NELL1: variants seen among roughly 807,000 people sequenced by gnomAD.
NELL1 encodes the protein neural EGFL like 1.
NELL1 carries 76 observed loss-of-function variants against 107.4 expected under a neutral mutation model. That is an observed-to-expected ratio of 0.71 (90% CI 0.59 to 0.86). The LOEUF (loss-of-function observed/expected upper bound fraction) is 0.86. Among genes scored for constraint, NELL1 ranks in the 40% least tolerant of loss-of-function variants. NELL1 has a pLI of 0.00. For missense variants in NELL1, 1,024 were observed against 1,005.5 expected (o/e 1.02, Z -0.25); for synonymous variants, 353 against 341.2 (o/e 1.03, Z -0.38).
chr11:20,859,105 C>T, intron 4 of NELL1, among the ~76,000 whole-genome samples: 1 of 152,208 alleles, frequency 6.6e-6, no homozygotes, highest in African/African-American at 2.4e-5. Context: ...AGGCCCACAC[C>T]TACACTGAAG....
chr11:21,143,890 G>A (rs1351361787), intron 13 of NELL1, among the ~76,000 whole-genome samples: 1 of 152,132 alleles, frequency 6.6e-6, no homozygotes, highest in Non-Finnish European at 1.5e-5. Context: ...TATTAACCAG[G>A]TAAAAGAAGT....
At chr11:21,389,558 A>G (rs1418053947) in intron 15 of NELL1, among the ~76,000 whole-genome samples, 1 of 151,732 alleles carries the variant, frequency 6.6e-6, no homozygotes, top group Non-Finnish European at 1.5e-5. Flanking sequence ...AAGTTAACAA[A>G]CTTTTGAAAA....
chr11:21,102,324 C>T (rs1854840511), intron 12 of NELL1, among the ~76,000 whole-genome samples: 1 of 152,174 alleles, frequency 6.6e-6, no homozygotes, highest in African/African-American at 2.4e-5. Flanking sequence ...TCTAATATCA[C>T]CACCATTACT....
intron 12 of NELL1, among the ~76,000 whole-genome samples, chr11:21,067,226 C>CT (rs958291301): frequency 6.6e-6 from 1 of 152,052 alleles, no homozygotes; most frequent in African/African-American, 2.4e-5. Flanking sequence ...GAAGTTGTAA[C>CT]TTTTAAACAT....
At chr11:21,414,822 C>A (rs1189845758) in intron 15 of NELL1, among the ~76,000 whole-genome samples, 1 of 152,026 alleles carries the variant, frequency 6.6e-6, no homozygotes, top group East Asian at 1.9e-4. Flanking sequence ...ATAGTTTCAA[C>A]CTGTTTCAAT....
intron 15 of NELL1, among the ~76,000 whole-genome samples, chr11:21,505,864 A>ATATC (rs1855265797): frequency 6.6e-6 from 1 of 152,094 alleles, no homozygotes; most frequent in South Asian, 2.1e-4. Flanking sequence ...TTTTCTTCAT[A>ATATC]TATCTTCTGT....
chr11:21,277,874 G>A (rs1590797756), intron 14 of NELL1, among the ~76,000 whole-genome samples: 2 of 152,204 alleles, frequency 1.3e-5, no homozygotes, highest in Non-Finnish European at 2.9e-5. Flanking sequence ...ACAGGAATAG[G>A]AACATCACAC....
At position 21,517,619 on chromosome 11, in the gene NELL1, C is replaced by T. The variant is rs1048210279; in HGVS notation, c.1646-16755C>T. On this transcript the variant is annotated intron_variant, in intron 15 of 19. Coordinates refer to ENST00000357134, the MANE Select transcript of NELL1 (RefSeq NM_006157.5). ...CCTCTATGATTCAATGATTTCTAAGCATGTGGGATTTAGACGTTCTTAGTC... is the reference window on the plus strand; with the variant it reads ...CCTCTATGATTCAATGATTTCTAAGTATGTGGGATTTAGACGTTCTTAGTC... 2.0e-5 allele frequency among the ~76,000 whole-genome samples: 3 copies of T among 152,136 alleles called. No individual in the cohort carries two copies. In the East Asian group the frequency reaches 5.8e-4, roughly 29 times the overall value.
intron 13 of NELL1, among the ~76,000 whole-genome samples, chr11:21,202,327 A>T (rs2133849621): frequency 6.6e-6 from 1 of 152,296 alleles, no homozygotes; most frequent in African/African-American, 2.4e-5. Flanking sequence ...TTATTCAGGG[A>T]TTAAACTTCT....
At chr11:21,408,340 G>C (rs1945435) in intron 15 of NELL1, among the ~76,000 whole-genome samples, 7,550 of 151,966 alleles carry the variant, frequency 0.05, 533 homozygotes, top group African/African-American at 0.16. Context: ...GCTGTAGAGA[G>C]AGTTCCAGAG....
chr11:21,507,761 A>G (rs1030101703), intron 15 of NELL1, among the ~76,000 whole-genome samples: 7 of 151,606 alleles, frequency 4.6e-5, no homozygotes, highest in African/African-American at 1.7e-4. Context: ...AGAGTTATTA[A>G]AAGCAAAAGT....
chr11:21,094,983 A>G (rs139670040), intron 12 of NELL1, among the ~76,000 whole-genome samples: 2,237 of 152,264 alleles, frequency 0.015, 53 homozygotes, highest in African/African-American at 0.05. Flanking sequence ...TTTCTTTTCT[A>G]TCACATTTTC....
At chr11:21,138,446 A>G (rs2133768208) in intron 13 of NELL1, among the ~76,000 whole-genome samples, 1 of 152,348 alleles carries the variant, frequency 6.6e-6, no homozygotes, top group African/African-American at 2.4e-5. Flanking sequence ...ACTCAGAGAC[A>G]CGTCAACAAG....
chr11:21,136,257 G>GGTTTTT (rs200568961), intron 13 of NELL1, among the ~76,000 whole-genome samples: 2,200 of 152,248 alleles, frequency 0.014, 63 homozygotes, highest in African/African-American at 0.05. Flanking sequence ...GTATGTGTGA[G>GGTTTTT]GAAAAGACAG....
At chr11:21,442,942 C>CTTTTTTTTTTTTTT (rs66501874) in intron 15 of NELL1, among the ~76,000 whole-genome samples, 4 of 57,560 alleles carry the variant, frequency 6.9e-5, no homozygotes, top group South Asian at 9.1e-4. Flanking sequence ...GCTATCTTTC[C>CTTTTTTTTTTTTTT]TTTTTTTTTT....
At chr11:21,221,475 G>GT (rs993758305) in intron 13 of NELL1, among the ~76,000 whole-genome samples, 8 of 152,144 alleles carry the variant, frequency 5.3e-5, no homozygotes, top group Admixed American at 5.2e-4. Context: ...TTTTCTAAAA[G>GT]TTTGATAGAA....
At chr11:21,319,494 T>TTATATATATATA (rs143740709) in intron 14 of NELL1, among the ~76,000 whole-genome samples, 2,349 of 135,488 alleles carry the variant, frequency 0.017, 28 homozygotes, top group Non-Finnish European at 0.025. Flanking sequence ...CCAGCTAAAT[T>TTATATATATATA]TATATATATA....
chr11:20,821,879 G>T (rs1857762111), intron 3 of NELL1, among the ~76,000 whole-genome samples: 2 of 152,210 alleles, frequency 1.3e-5, no homozygotes, highest in Non-Finnish European at 2.9e-5. Context: ...AAATGAAGAA[G>T]AGCCATCAGA....
At chr11:20,957,344 A>G (rs912414686) in intron 11 of NELL1, among the ~76,000 whole-genome samples, 2 of 152,228 alleles carry the variant, frequency 1.3e-5, no homozygotes, top group African/African-American at 4.8e-5. Context: ...TCAACCTTCA[A>G]GCACTAAGAC....
Sources: gnomAD v4.1 joint callset for allele counts (sites outside exome capture counted in the v4.1 genomes callset) on GRCh38, gnomAD v4.1.1 for gene constraint, MANE v1.5 for transcripts, NCBI Gene and HGNC (gene_info 2026-07-23, HGNC 2026-07-21) for gene names.